Variants in CDKL3 observed in about 807,000 individuals in gnomAD.
The protein encoded by CDKL3 is cyclin-dependent kinase-like 3.
Under a neutral mutation model 69.3 loss-of-function variants are expected in CDKL3, and 65 were observed. The observed-to-expected ratio is 0.94, with a 90% confidence interval of 0.77 to 1.15. CDKL3 has a LOEUF of 1.15. CDKL3 is among the 50% of genes most tolerant of loss of function. The probability of loss-of-function intolerance (pLI) is 0.00; values close to 1 mark genes in which losing one functional copy is unlikely to be tolerated. For synonymous variants in CDKL3, 202 were observed against 221.6 expected (o/e 0.91, Z 0.79); for missense variants, 652 against 689.2 (o/e 0.95, Z 0.61).
chr5:134,354,257 T>C (rs904021344), intron 3 of CDKL3, among the ~76,000 whole-genome samples: 1 of 152,192 alleles, frequency 6.6e-6, no homozygotes, highest in East Asian at 1.9e-4. Flanking sequence ...TCAATTAATA[T>C]CTCGTGCTCA....
intron 3 of CDKL3, among the ~76,000 whole-genome samples, chr5:134,353,618 C>G (rs561671364): frequency 4.0e-5 from 6 of 148,980 alleles, no homozygotes; most frequent in Non-Finnish European, 7.4e-5. Flanking sequence ...GTGGCGCAAT[C>G]TCGGCTCACT....
chr5:134,326,864 T>TAC (rs1774502955), intron 4 of CDKL3, among the ~76,000 whole-genome samples: 5 of 98,010 alleles, frequency 5.1e-5, no homozygotes, highest in African/African-American at 1.3e-4. Flanking sequence ...TATATATATA[T>TAC]ATACACACAC....
intron 12 of CDKL3, chr5:134,299,473 G>A (rs867025170): frequency 8.3e-7 from 1 of 1,204,654 alleles, no homozygotes; most frequent in Middle Eastern, 3.1e-4. Flanking sequence ...TACCAGTCAG[G>A]TAGTTTTTAT....
intron 4 of CDKL3, among the ~76,000 whole-genome samples, chr5:134,336,597 T>G (rs895801815): frequency 1.3e-5 from 2 of 152,232 alleles, no homozygotes; most frequent in Admixed American, 6.5e-5. Context: ...GCTGCAGGTC[T>G]GTTGGAGTTT....
chr5:134,286,331 A>G (rs1764858941), downstream of CDKL3: 1 of 154,638 alleles, frequency 6.5e-6, no homozygotes, highest in Non-Finnish European at 1.4e-5. Flanking sequence ...TTTATTGTCC[A>G]TATCATGATC....
At chr5:134,343,497 C>G (rs1751048998) in intron 4 of CDKL3, among the ~76,000 whole-genome samples, 1 of 152,192 alleles carries the variant, frequency 6.6e-6, no homozygotes. Flanking sequence ...TCCTTCTTGC[C>G]TGGGGACCAG....
downstream of CDKL3, among the ~76,000 whole-genome samples, chr5:134,285,554 C>T (rs1764826653): frequency 6.6e-6 from 1 of 152,218 alleles, no homozygotes; most frequent in African/African-American, 2.4e-5. Flanking sequence ...GCCTTTCCTC[C>T]TAGGCCTCTG....
intron 8 of CDKL3, among the ~76,000 whole-genome samples, chr5:134,291,748 T>G (rs905883716): frequency 6.7e-6 from 1 of 149,926 alleles, no homozygotes; most frequent in African/African-American, 2.5e-5. Context: ...CACTCCAGCC[T>G]GGGTGACAGA....
At chr5:134,343,102 G>A (rs1750937893) in intron 4 of CDKL3, among the ~76,000 whole-genome samples, 1 of 152,022 alleles carries the variant, frequency 6.6e-6, no homozygotes, top group South Asian at 2.1e-4. Context: ...CTACTCAGGA[G>A]GCTGAGGTGG....
chr5:134,306,988 A>G (rs1434407004), intron 9 of CDKL3, among the ~76,000 whole-genome samples: 4 of 152,014 alleles, frequency 2.6e-5, no homozygotes, highest in Non-Finnish European at 4.4e-5. Flanking sequence ...CTCCTGAGCT[A>G]AAGTGATACA....
At chr5:134,352,253 C>G (rs1312412231) in intron 3 of CDKL3, among the ~76,000 whole-genome samples, 1 of 151,598 alleles carries the variant, frequency 6.6e-6, no homozygotes, top group Non-Finnish European at 1.5e-5. Flanking sequence ...ATTGTGTATA[C>G]ATACTACATT....
intron 3 of CDKL3, among the ~76,000 whole-genome samples, chr5:134,352,955 T>G (rs1406627667): frequency 6.6e-6 from 1 of 152,214 alleles, no homozygotes; most frequent in Non-Finnish European, 1.5e-5. Context: ...TGTTTGCTTC[T>G]GTTGCCTGTG....
chr5:134,312,462 G>C, intron 6 of CDKL3, 82 bp from the exon 7 acceptor site: 1 of 741,188 alleles, frequency 1.3e-6, no homozygotes, highest in Non-Finnish European at 2.2e-6. Flanking sequence ...GACAAATTAA[G>C]AAGTAAGTAA....
At chr5:134,311,225 C>T (rs181846023) in intron 7 of CDKL3, among the ~76,000 whole-genome samples, 52 of 152,210 alleles carry the variant, frequency 3.4e-4, no homozygotes, top group Admixed American at 9.2e-4. Context: ...GCACTGCAGC[C>T]GGGCGCAATG....
At chr5:134,292,965 T>G (rs10479073) in intron 8 of CDKL3, among the ~76,000 whole-genome samples, 2 of 146,796 alleles carry the variant, frequency 1.4e-5, no homozygotes, top group African/African-American at 5.0e-5. Context: ...CCTTTCACAG[T>G]GAAAACTCCA....
intron 6 of CDKL3, among the ~76,000 whole-genome samples, chr5:134,315,911 A>G (rs1013174857): frequency 6.6e-6 from 1 of 152,204 alleles, no homozygotes; most frequent in African/African-American, 2.4e-5. Context: ...AATATCAAAA[A>G]TTCTAAAAAG....
chr5:134,298,614 C>T lies in CDKL3; in HGVS notation c.*37G>A. 6.2e-7 allele frequency: 1 copy of T among 1,601,170 alleles called. No individual in the cohort carries two copies. The highest frequency in any genetic ancestry group is 1.1e-5 in the South Asian group (1 of 87,688). ...AGATAAATAAAACGGGAAGAGTTGT[C>T]ATCTTGTATTTTTTGGACTATGTAA... is the stretch of plus-strand genomic sequence containing the variant. On this transcript the variant is annotated 3_prime_UTR_variant, in exon 13 of 13. Coordinates refer to ENST00000265334, the MANE Select transcript of CDKL3 (RefSeq NM_001113575.2).
At chr5:134,306,054 A>C (rs1235819977) in intron 10 of CDKL3, among the ~76,000 whole-genome samples, 1 of 152,230 alleles carries the variant, frequency 6.6e-6, no homozygotes, top group Non-Finnish European at 1.5e-5. Context: ...TGCCTAAGTC[A>C]CATGTTAAAT....
chr5:134,343,358 A>T (rs1325375948), intron 4 of CDKL3, among the ~76,000 whole-genome samples: 2 of 152,226 alleles, frequency 1.3e-5, no homozygotes, highest in Non-Finnish European at 2.9e-5. Context: ...AATTGACTCC[A>T]TCTTGCTTCT....
Sources: gnomAD v4.1 joint callset for allele counts (sites outside exome capture counted in the v4.1 genomes callset) on GRCh38, gnomAD v4.1.1 for gene constraint, MANE v1.5 for transcripts, NCBI Gene and HGNC (gene_info 2026-07-23, HGNC 2026-07-21) for gene names.